The following DYTN variants were observed in gnomAD, a reference collection of about 807,000 sequenced individuals.
DYTN encodes dystrotelin.
In DYTN, 75 loss-of-function variants were observed where a neutral mutation model predicts 69.6. The observed-to-expected ratio is 1.08, with a 90% confidence interval of 0.89 to 1.31. DYTN has a LOEUF of 1.31. DYTN is among the 50% of genes most tolerant of loss of function. The pLI is 0.00. For missense variants in DYTN, 726 were observed against 688.4 expected (o/e 1.05, Z -0.61); for synonymous variants, 252 against 249.1 (o/e 1.01, Z -0.11).
intron 1 of DYTN, among the ~76,000 whole-genome samples, chr2:206,712,541 G>T (rs1026561607): frequency 4.6e-5 from 7 of 152,192 alleles, no homozygotes; most frequent in Admixed American, 3.3e-4. Context: ...TCAAAGGCAG[G>T]AGAGATTCCA....
At chr2:206,676,396 G>A (rs940513393) in intron 9 of DYTN, among the ~76,000 whole-genome samples, 2 of 152,182 alleles carry the variant, frequency 1.3e-5, no homozygotes, top group Non-Finnish European at 2.9e-5. Flanking sequence ...CATGGACACA[G>A]GGAGGAGAAC....
chr2:206,691,582 T>C (rs546086254), intron 9 of DYTN, among the ~76,000 whole-genome samples: 7 of 152,290 alleles, frequency 4.6e-5, no homozygotes, highest in Non-Finnish European at 1.0e-4. Context: ...TGGAAACTGA[T>C]ATCTTTGTTT....
intron 9 of DYTN, among the ~76,000 whole-genome samples, chr2:206,666,547 G>C (rs556348613): frequency 6.6e-6 from 1 of 152,146 alleles, no homozygotes; most frequent in East Asian, 1.9e-4. Flanking sequence ...CTATCCTTTT[G>C]TCTAGAAATA....
At chr2:206,712,501 T>A (rs891333441) in intron 1 of DYTN, among the ~76,000 whole-genome samples, 1 of 152,112 alleles carries the variant, frequency 6.6e-6, no homozygotes, top group African/African-American at 2.4e-5. Flanking sequence ...GAGCCACAGC[T>A]AGAACAACAC....
intron 9 of DYTN, among the ~76,000 whole-genome samples, chr2:206,692,240 G>T (rs1699871300): frequency 7.3e-5 from 11 of 151,150 alleles, no homozygotes; most frequent in Admixed American, 7.2e-4. Flanking sequence ...ACTCCAACCT[G>T]GGCGACAGAG....
chr2:206,651,893 C>CTG lies in DYTN; in HGVS notation c.1661_1662insCA (p.Tyr555SerfsTer24). ...TGCACACTCGCTGAGCTCCACTGTACAGGTCCATGTTTACTGAAGACTCCG... is the reference window on the plus strand; with the variant it reads ...TGCACACTCGCTGAGCTCCACTGTACTGAGGTCCATGTTTACTGAAGACTCCG... On this transcript the variant is annotated frameshift_variant, in exon 12 of 12. Coordinates refer to ENST00000452335, the MANE Select transcript of DYTN (RefSeq NM_001093730.1). LOFTEE classifies it high-confidence loss of function. The CTG allele has an allele frequency of 6.2e-7, 1 of 1,613,458 alleles. No homozygotes were observed. Among genetic ancestry groups the CTG allele is most frequent in the Non-Finnish European group, 8.5e-7 (1 of 1,179,526 alleles).
chr2:206,705,794 A>G lies in DYTN; in HGVS notation c.376T>C (p.Tyr126His). The G allele has an allele frequency of 6.2e-7, 1 of 1,613,684 alleles. No individual in the cohort carries two copies. The highest frequency in any genetic ancestry group is 1.1e-5 in the South Asian group (1 of 90,980). The change falls in exon 4 of 12, where the codon TAC becomes CAC. Residue 126 changes from tyrosine to histidine, a missense_variant. Transcript: ENST00000452335. Reference sequence around the variant, plus strand: ...GCAGTCCTCTGCATGTTACCTCGGTATTTTGAAAGAGGGCTGTCTCCTGAG... The same window carrying G: ...GCAGTCCTCTGCATGTTACCTCGGTGTTTTGAAAGAGGGCTGTCTCCTGAG... ...TLSGDSPLSK[Y>H]RALFQLYAEN...
rs557382092 is a variant in DYTN, at chr2:206,713,613, G to A, written c.20-3015C>T. On this transcript the variant is annotated intron_variant, in intron 1 of 11. Coordinates refer to ENST00000452335, the MANE Select transcript of DYTN (RefSeq NM_001093730.1). ...CATTTAGAGTTAGGAGGACATGGTG[G>A]GGTTGAGGAATAGTGAAGATTTGCA... Among the ~76,000 whole-genome samples, 99 of 152,316 alleles carry A rather than the reference G, an allele frequency of 6.5e-4. No individual in the cohort carries two copies. In the South Asian group the frequency reaches 9.5e-3, roughly 15 times the overall value.
At chr2:206,657,367 C>A (rs887273364) in intron 11 of DYTN, among the ~76,000 whole-genome samples, 2 of 152,112 alleles carry the variant, frequency 1.3e-5, no homozygotes, top group Non-Finnish European at 2.9e-5. Context: ...CTTGTTGAAA[C>A]TACTAGCTTC....
At chr2:206,669,566 A>G (rs1467782689) in intron 9 of DYTN, among the ~76,000 whole-genome samples, 8 of 152,240 alleles carry the variant, frequency 5.3e-5, no homozygotes, top group Non-Finnish European at 1.5e-5. Flanking sequence ...TAAATAGTAG[A>G]CATGGATTAT....
At chr2:206,697,476 C>T (rs1348312034) in intron 7 of DYTN, among the ~76,000 whole-genome samples, 1 of 152,156 alleles carries the variant, frequency 6.6e-6, no homozygotes. Context: ...TCTAACATGG[C>T]TTTCTTCATC....
intron 1 of DYTN, among the ~76,000 whole-genome samples, chr2:206,711,597 T>A (rs941003381): frequency 1.6e-4 from 25 of 152,164 alleles, no homozygotes; most frequent in African/African-American, 5.8e-4. Context: ...TTCTTTTTTT[T>A]ATTATACTTT....
chr2:206,700,985 C>T (rs571755662), intron 5 of DYTN: 1 of 152,268 alleles, frequency 6.6e-6, no homozygotes, highest in East Asian at 1.9e-4. Flanking sequence ...TGTATATGTG[C>T]CACATTTTCT....
At chr2:206,713,563 TTG>T (rs1302994573) in intron 1 of DYTN, among the ~76,000 whole-genome samples, 5 of 152,140 alleles carry the variant, frequency 3.3e-5, no homozygotes, top group African/African-American at 1.2e-4. Flanking sequence ...TCTGTTTTCT[TTG>T]TAAAGTTGAG....
intron 10 of DYTN, among the ~76,000 whole-genome samples, chr2:206,665,381 C>A (rs1365457608): frequency 2.0e-5 from 3 of 151,396 alleles, no homozygotes; most frequent in African/African-American, 7.3e-5. Flanking sequence ...AATTTTATTA[C>A]TTATTTAATT....
chr2:206,675,244 A>T (rs13407587), intron 9 of DYTN, among the ~76,000 whole-genome samples: 20,050 of 146,016 alleles, frequency 0.14, 2,330 homozygotes, highest in African/African-American at 0.31. Context: ...TATATATGTA[A>T]ATAAACATAT....
Position 206,705,827 on chromosome 2 carries a change from T to C in DYTN, c.343A>G (p.Ile115Val). ...AGAGGGCTGTCTCCTGAGAGGGTTA[T>C]TAGGGCAGCGGCCGCAGGCATAAGC... ...LQLMPAAAAL[I>V]TLSGDSPLSK... Residue 115 changes from isoleucine (I) to valine (V), a missense_variant, in exon 4 of 12, where the codon ATA becomes GTA. Physicochemically the swap from Ile to Val is conservative, Grantham distance 29 (BLOSUM62 3). Coordinates refer to ENST00000452335, the MANE Select transcript of DYTN (RefSeq NM_001093730.1). 1 of 1,613,908 alleles carries C rather than the reference T, an allele frequency of 6.2e-7. No individual in the cohort carries two copies. The highest frequency in any genetic ancestry group is 1.3e-5 in the African/African-American group (1 of 75,050).
intron 3 of DYTN, 32 bp downstream of exon 3, chr2:206,707,270 T>G (rs1451291482): frequency 6.3e-7 from 1 of 1,595,774 alleles, no homozygotes; most frequent in Non-Finnish European, 8.5e-7. Context: ...AACTTTGCCT[T>G]TGAGGTCACA....
At chr2:206,678,903 T>A (rs1419125827) in intron 9 of DYTN, 3 of 152,240 alleles carry the variant, frequency 2.0e-5, no homozygotes, top group Non-Finnish European at 4.4e-5. Context: ...TCCTTGGTCA[T>A]ATGAACATCT....
Sources: allele counts gnomAD v4.1 joint callset (sites outside exome capture counted in the v4.1 genomes callset), GRCh38; gene constraint gnomAD v4.1.1; transcripts MANE v1.5; gene names NCBI Gene and HGNC (gene_info 2026-07-23, HGNC 2026-07-21).